The following TSHZ2 variants were observed in gnomAD, a reference collection of about 807,000 sequenced individuals.
The protein encoded by TSHZ2 is teashirt homolog 2.
TSHZ2 carries 21 observed loss-of-function variants against 74.4 expected under a neutral mutation model. The observed-to-expected ratio is 0.28, with a 90% CI of 0.20 to 0.41. The LOEUF (loss-of-function observed/expected upper bound fraction) is 0.41. Ranked by LOEUF, TSHZ2 falls within the 10% of genes least tolerant of loss-of-function variation. The pLI is 1.00. For synonymous variants in TSHZ2, 540 were observed against 515.3 expected, an observed-to-expected ratio of 1.05 and a Z score of -0.65; for missense variants, 1,244 against 1,293.5, an observed-to-expected ratio of 0.96 and a Z score of 0.59.
intron 2 of TSHZ2, among the ~76,000 whole-genome samples, chr20:53,356,338 A>G (rs1980847192): frequency 6.6e-6 from 1 of 152,180 alleles, no homozygotes; most frequent in Non-Finnish European, 1.5e-5. Context: ...CCAGCACCAG[A>G]GCTTGAAATC....
In TSHZ2 at chr20:53,025,998, G is replaced by A. The variant is rs191946307; in HGVS notation, c.40+52665G>A. On this transcript the variant is annotated intron_variant, in intron 1 of 2. Transcript: ENST00000371497. ...GATTGCAGGAGGCTGTGGTATGGCA[G>A]TGTCTGGCTGGTAGGTGTCCCATGT... Among the ~76,000 whole-genome samples, 80 of 152,314 alleles carry A rather than the reference G, an allele frequency of 5.3e-4. No individual in the cohort carries two copies. The East Asian group carries it at 0.01, about 19-fold the overall frequency.
At chr20:53,137,406 C>T (rs558509933) in intron 1 of TSHZ2, among the ~76,000 whole-genome samples, 1 of 150,482 alleles carries the variant, frequency 6.6e-6, no homozygotes. Context: ...GGTTACATAA[C>T]TGTTCGTTAG....
intron 1 of TSHZ2, among the ~76,000 whole-genome samples, chr20:53,116,314 A>G (rs143811401): frequency 4.6e-5 from 7 of 152,312 alleles, no homozygotes; most frequent in Non-Finnish European, 5.9e-5. Flanking sequence ...TCTTTATTGC[A>G]TAGGCAAATC....
chr20:53,138,406 A>C (rs1024673108), intron 1 of TSHZ2, among the ~76,000 whole-genome samples: 6 of 150,584 alleles, frequency 4.0e-5, no homozygotes, highest in African/African-American at 1.5e-4. Flanking sequence ...AAAAAAAAAA[A>C]CAATACTTCA....
intron 2 of TSHZ2, among the ~76,000 whole-genome samples, chr20:53,414,632 TG>T (rs917777241): frequency 6.6e-6 from 1 of 152,166 alleles, no homozygotes; most frequent in Non-Finnish European, 1.5e-5. Flanking sequence ...CACTTCAGCC[TG>T]GGCAATAGAG....
chr20:53,469,338 G>C (rs1985683282), intron 2 of TSHZ2, among the ~76,000 whole-genome samples: 1 of 151,690 alleles, frequency 6.6e-6, no homozygotes, highest in African/African-American at 2.4e-5. Flanking sequence ...GAGGTCAGAA[G>C]TTCAAGACCA....
intron 2 of TSHZ2, among the ~76,000 whole-genome samples, chr20:53,324,073 C>T (rs879797415): frequency 2.6e-5 from 4 of 152,186 alleles, no homozygotes; most frequent in East Asian, 1.9e-4. Context: ...TAACATGCGA[C>T]GGCCATCCCT....
At chr20:53,194,335 G>A (rs907468360) in intron 1 of TSHZ2, among the ~76,000 whole-genome samples, 2 of 152,184 alleles carry the variant, frequency 1.3e-5, no homozygotes, top group African/African-American at 4.8e-5. Context: ...TCCCAGCTGA[G>A]GTGAATACCT....
intron 1 of TSHZ2, among the ~76,000 whole-genome samples, chr20:53,151,228 G>A (rs1443117669): frequency 3.3e-5 from 5 of 152,182 alleles, no homozygotes; most frequent in Admixed American, 2.6e-4. Context: ...TCCCTATTAA[G>A]GAACAATGTC....
At position 53,253,788 on chromosome 20, in the gene TSHZ2, T is replaced by G; in HGVS notation, c.330T>G (p.Thr110=). ...ATGCCTCAGACAAGAAAGCACACACTCACGTCAGGCTTCCAAACGAAGCAC... is the reference window on the plus strand; with the variant it reads ...ATGCCTCAGACAAGAAAGCACACACGCACGTCAGGCTTCCAAACGAAGCAC... ...GRDASDKKAH[T]HVRLPNEAHN... Residue 110 remains threonine (T), a synonymous_variant, in exon 2 of 3, where the codon ACT becomes ACG. Coordinates refer to ENST00000371497, the MANE Select transcript of TSHZ2 (RefSeq NM_173485.6). 1.2e-6 allele frequency: 2 copies of G among 1,614,090 alleles called. No homozygotes were observed. Among genetic ancestry groups the G allele is most frequent in the Non-Finnish European group, 1.7e-6 (2 of 1,179,998 alleles).
intron 2 of TSHZ2, among the ~76,000 whole-genome samples, chr20:53,266,772 A>ATT (rs11344692): frequency 7.5e-4 from 74 of 98,746 alleles, no homozygotes; most frequent in Middle Eastern, 5.1e-3. Context: ...CCGATCGACG[A>ATT]TTTTTTTTTT....
intron 2 of TSHZ2, among the ~76,000 whole-genome samples, chr20:53,473,555 G>GA (rs1314526070): frequency 1.4e-5 from 2 of 139,840 alleles, no homozygotes; most frequent in Non-Finnish European, 3.1e-5. Context: ...CAAAGATGGG[G>GA]AAAAAACAGA....
intron 2 of TSHZ2, among the ~76,000 whole-genome samples, chr20:53,358,463 C>A (rs74406964): frequency 6.6e-6 from 1 of 151,640 alleles, no homozygotes; most frequent in South Asian, 2.1e-4. Context: ...GCCTCAGCCT[C>A]CCCAGTACCT....
chr20:53,417,557 A>G (rs1277380943), intron 2 of TSHZ2, among the ~76,000 whole-genome samples: 1 of 152,110 alleles, frequency 6.6e-6, no homozygotes, highest in African/African-American at 2.4e-5. Flanking sequence ...TTGGCCTCCC[A>G]ATGTGCTGGG....
intron 2 of TSHZ2, among the ~76,000 whole-genome samples, chr20:53,363,167 A>G (rs1981130112): frequency 6.6e-6 from 1 of 152,198 alleles, no homozygotes. Context: ...TCTGCTGCCC[A>G]TGGTGGGCCC....
At chr20:53,374,804 G>A (rs1359107358) in intron 2 of TSHZ2, among the ~76,000 whole-genome samples, 41 of 151,426 alleles carry the variant, frequency 2.7e-4, no homozygotes, top group Admixed American at 2.7e-3. Context: ...TTTGAAAAGT[G>A]ACTGTTCATA....
intron 2 of TSHZ2, among the ~76,000 whole-genome samples, chr20:53,275,587 A>G (rs1233329950): frequency 1.3e-5 from 2 of 152,108 alleles, no homozygotes; most frequent in African/African-American, 4.8e-5. Context: ...ATCTTAGTGG[A>G]CCTGGGTGGA....
intron 2 of TSHZ2, among the ~76,000 whole-genome samples, chr20:53,481,894 G>A (rs566645800): frequency 1.3e-4 from 20 of 151,992 alleles, no homozygotes; most frequent in Non-Finnish European, 2.4e-4. Context: ...TCCTGAGGTC[G>A]GGAGATCGAG....
intron 2 of TSHZ2, among the ~76,000 whole-genome samples, chr20:53,259,582 T>C (rs1019305315): frequency 6.6e-6 from 1 of 152,208 alleles, no homozygotes; most frequent in Non-Finnish European, 1.5e-5. Context: ...TGTACAAGCT[T>C]AACAGCACAC....
Sources: allele counts gnomAD v4.1 joint callset (sites outside exome capture counted in the v4.1 genomes callset), GRCh38; gene constraint gnomAD v4.1.1; transcripts MANE v1.5; gene names NCBI Gene and HGNC (gene_info 2026-07-23, HGNC 2026-07-21).